The following THRAP3 variants were observed in gnomAD, a reference collection of about 807,000 sequenced individuals.
THRAP3 encodes thyroid hormone receptor-associated protein 3.
In THRAP3, 16 loss-of-function variants were observed where a neutral mutation model predicts 101.0. That is an observed-to-expected ratio of 0.16 (90% CI 0.11 to 0.24). THRAP3 has a LOEUF of 0.24. THRAP3 is among the 10% of genes least tolerant of loss of function. The probability of loss-of-function intolerance (pLI) is 1.00; values close to 1 mark genes in which losing one functional copy is unlikely to be tolerated. For synonymous variants in THRAP3, 407 were observed against 422.6 expected, an observed-to-expected ratio of 0.96 and a Z score of 0.45; for missense variants, 989 against 1,202.7, an observed-to-expected ratio of 0.82 and a Z score of 2.63.
rs567157972 is a variant in THRAP3, at chr1:36,240,565, A to C, written c.-135+16060A>C. Reference sequence around the variant, plus strand: ...TTCCTCTCACAGTCCACTCACTCACATGTCAGTCTTCTCTGGCAACACCCT... The same window carrying C: ...TTCCTCTCACAGTCCACTCACTCACCTGTCAGTCTTCTCTGGCAACACCCT... On this transcript the variant is annotated intron_variant, in intron 1 of 11. Transcript: ENST00000354618. 2.8e-4 allele frequency among the ~76,000 whole-genome samples: 43 copies of C among 152,300 alleles called. No homozygotes were observed. The South Asian group carries it at 8.9e-3, about 32-fold the overall frequency.
rs1375324369 is a variant in THRAP3, at chr1:36,282,694, G to A, written c.131G>A (p.Arg44Lys). The A allele has an allele frequency of 9.3e-6, 15 of 1,614,142 alleles. No individual in the cohort carries two copies. The highest frequency in any genetic ancestry group is 1.3e-5 in the Non-Finnish European group (15 of 1,180,010). ...SRSLSRSRKR[R>K]LSSRSRSRSY... ...TCTCTCTCTCGTTCAAGGAAGCGCA[G>A]GCTGAGGTAAGGGGGTGTGACTTTG... is the stretch of plus-strand genomic sequence containing the variant. Residue 44 changes from arginine to lysine, a missense_variant, in exon 3 of 12, where the codon AGG becomes AAG. Coordinates refer to ENST00000354618, the MANE Select transcript of THRAP3 (RefSeq NM_005119.4).
the THRAP3 span, among the ~76,000 whole-genome samples, chr1:36,214,352 A>T: frequency 2.0e-4 from 30 of 152,332 alleles, no homozygotes; most frequent in Non-Finnish European, 3.5e-4. Context: ...TTTCTCAGCC[A>T]GCCAGTCACC....
intron 2 of THRAP3, among the ~76,000 whole-genome samples, chr1:36,272,111 C>G (rs1645599857): frequency 6.6e-6 from 1 of 151,420 alleles, no homozygotes; most frequent in Non-Finnish European, 1.5e-5. Flanking sequence ...AACTTCTGGA[C>G]TGAAAAGCAA....
In THRAP3 at chr1:36,287,070, A is replaced by G. The variant is rs1398071911; in HGVS notation, c.840A>G (p.Thr280=). 3 of 1,613,886 alleles carry G rather than the reference A, an allele frequency of 1.9e-6. No individual in the cohort carries two copies. The South Asian group carries it at 3.3e-5, about 18-fold the overall frequency. The change falls in exon 4 of 12, where the codon ACA becomes ACG. Residue 280 remains threonine, a synonymous_variant. Coordinates refer to ENST00000354618, the MANE Select transcript of THRAP3 (RefSeq NM_005119.4). Reference sequence around the variant, plus strand: ...AACCTAGTCCTCCACTTTCCAGCACATCCCAGATGGGCTCAACTCTGCCGA... The same window carrying G: ...AACCTAGTCCTCCACTTTCCAGCACGTCCCAGATGGGCTCAACTCTGCCGA... ...VPKPSPPLSS[T]SQMGSTLPSG... is the part of the protein sequence containing the mutation.
At chr1:36,220,144 C>A (rs867783481), upstream of THRAP3, among the ~76,000 whole-genome samples, 2 of 152,244 alleles carry the variant, frequency 1.3e-5, no homozygotes, top group South Asian at 2.1e-4. Context: ...CAGATGCACA[C>A]CACCACGCCC....
Position 36,304,862 on chromosome 1 carries a change from CTT to C in THRAP3, c.*846_*847del, listed in dbSNP as rs769708122. 7.6e-4 allele frequency: 156 copies of C among 205,942 alleles called. No homozygotes were observed. The highest frequency in any genetic ancestry group is 5.4e-4 in the Non-Finnish European group (54 of 100,652). The allele number at this position is 205,942 out of a possible 1,614,324, so 12.8% of individuals were successfully genotyped here. The stretch of plus-strand genomic sequence containing the variant: ...AGTGTCTGGTCTGTTTTCTAAGAAA[CTT>C]ATGAATTCTATTATCTTTACAAATA... On this transcript the variant is annotated 3_prime_UTR_variant, in exon 12 of 12. Transcript: ENST00000354618.
chr1:36,292,160 T>C (rs1645878263), intron 6 of THRAP3, among the ~76,000 whole-genome samples: 2 of 151,866 alleles, frequency 1.3e-5, no homozygotes, highest in Admixed American at 1.3e-4. Context: ...GTATGTTTGT[T>C]GTGTGGATTT....
chr1:36,246,585 G>A (rs1178095003), intron 1 of THRAP3, among the ~76,000 whole-genome samples: 2 of 150,954 alleles, frequency 1.3e-5, no homozygotes, highest in Non-Finnish European at 2.9e-5. Flanking sequence ...GCTCACACCT[G>A]TAATCCCAGC....
chr1:36,218,896 A>AGTGGC, the THRAP3 span, among the ~76,000 whole-genome samples: 687 of 151,790 alleles, frequency 4.5e-3, 4 homozygotes, highest in African/African-American at 0.015. Flanking sequence ...AGCCAAGTGC[A>AGTGGC]GTGGCGGGCG....
intron 1 of THRAP3, among the ~76,000 whole-genome samples, chr1:36,248,955 A>C (rs1238875889): frequency 6.7e-6 from 1 of 149,794 alleles, no homozygotes; most frequent in Non-Finnish European, 1.5e-5. Context: ...GCTGGAGTGC[A>C]GTGGCGTGAT....
chr1:36,234,845 C>T (rs1157773220), intron 1 of THRAP3, among the ~76,000 whole-genome samples: 5 of 129,036 alleles, frequency 3.9e-5, no homozygotes, highest in African/African-American at 1.2e-4. Context: ...GATAGAGTCT[C>T]GCTCTGTCGC....
At chr1:36,300,143 A>C (rs1343897887) in intron 9 of THRAP3, among the ~76,000 whole-genome samples, 1 of 152,148 alleles carries the variant, frequency 6.6e-6, no homozygotes, top group Non-Finnish European at 1.5e-5. Flanking sequence ...GTATTAAGCT[A>C]ATTTGCCCTA....
At chr1:36,278,914 ACT>A (rs1445981004) in intron 2 of THRAP3, among the ~76,000 whole-genome samples, 3 of 151,814 alleles carry the variant, frequency 2.0e-5, no homozygotes, top group East Asian at 1.9e-4. Flanking sequence ...CAAGAGCAAA[ACT>A]CTGTCTCAAA....
chr1:36,258,916 T>C (rs565063956), intron 1 of THRAP3, among the ~76,000 whole-genome samples: 2 of 152,372 alleles, frequency 1.3e-5, no homozygotes, highest in African/African-American at 4.8e-5. Context: ...ACCATGTTCA[T>C]AGATCTGGGA....
intron 1 of THRAP3, among the ~76,000 whole-genome samples, chr1:36,255,741 C>T (rs569090961): frequency 3.3e-5 from 5 of 149,752 alleles, no homozygotes; most frequent in African/African-American, 1.2e-4. Context: ...CCATTGCACT[C>T]CAGCCTGGGT....
At position 36,248,090 on chromosome 1, in the gene THRAP3, A is replaced by G. The variant is rs139016932; in HGVS notation, c.-134-11292A>G. 1.1e-3 allele frequency among the ~76,000 whole-genome samples: 172 copies of G among 151,990 alleles called. 5 individuals are homozygous for G. In the East Asian group the frequency reaches 0.031, roughly 28 times the overall value. ...AGACAGGGTTTCACCATGTTGGCCA[A>G]GCTGGTCTTGAACTCCAGACCTCAG... On this transcript the variant is annotated intron_variant, in intron 1 of 11. Coordinates refer to ENST00000354618, the MANE Select transcript of THRAP3 (RefSeq NM_005119.4).
At position 36,231,834 on chromosome 1, in the gene THRAP3, A is replaced by G. The variant is rs551744408; in HGVS notation, c.-135+7329A>G. 2.6e-5 allele frequency among the ~76,000 whole-genome samples: 4 copies of G among 152,316 alleles called. No homozygotes were observed. The South Asian group carries it at 8.3e-4, about 32-fold the overall frequency. On this transcript the variant is annotated intron_variant, in intron 1 of 11. Transcript: ENST00000354618. ...GTCTTGACTAATTCCTTTGGCTTGA[A>G]AGACTATCGGCTATCAGAAAAAAAC...
intron 1 of THRAP3, chr1:36,242,056 T>G (rs1243505804): frequency 1.1e-5 from 2 of 174,906 alleles, no homozygotes; most frequent in Non-Finnish European, 2.6e-5. Context: ...CCGCTGGAAT[T>G]AATTTTTCCA....
intron 1 of THRAP3, among the ~76,000 whole-genome samples, chr1:36,234,566 G>A (rs1428626750): frequency 6.6e-6 from 1 of 152,150 alleles, no homozygotes; most frequent in African/African-American, 2.4e-5. Context: ...GAATAGTAAA[G>A]ATAAAGAGGA....
Sources: allele counts gnomAD v4.1 joint callset (sites outside exome capture counted in the v4.1 genomes callset), GRCh38; gene constraint gnomAD v4.1.1; transcripts MANE v1.5; gene names NCBI Gene and HGNC (gene_info 2026-07-23, HGNC 2026-07-21).